The following SLFN14 variants were observed in gnomAD, a reference collection of about 807,000 sequenced individuals.
The protein encoded by SLFN14 is schlafen family member 14, also known as protein SLFN14.
SLFN14 carries 47 observed loss-of-function variants against 58.6 expected under a neutral mutation model. The observed-to-expected ratio is 0.80, with a 90% CI of 0.64 to 1.02. The LOEUF (loss-of-function observed/expected upper bound fraction) is 1.02, where lower values mean the gene tolerates loss of function less well. SLFN14 is among the 50% of genes least tolerant of loss of function. The probability of loss-of-function intolerance (pLI) is 0.00; values close to 1 mark genes in which losing one functional copy is unlikely to be tolerated. For missense variants in SLFN14, 967 were observed against 1,078.4 expected (o/e 0.90, Z 1.45); for synonymous variants, 390 against 387.3 (o/e 1.01, Z -0.08).
At position 35,545,668 on chromosome 17, in the gene SLFN14, A is replaced by T. The variant is rs199857833; in HGVS notation, c.*2571T>A. 3.1e-3 allele frequency among the ~76,000 whole-genome samples: 478 copies of T among 152,012 alleles called. 4 individuals carry two copies. Among genetic ancestry groups the T allele is most frequent in the South Asian group, 4.4e-3 (21 of 4,808 alleles). ...CACCACCATGCCCAACTAAGTTTTT[A>T]AAAAAATTTTTTTTGTAGAGATGGG... On this transcript the variant is annotated 3_prime_UTR_variant, in exon 6 of 6. Coordinates refer to ENST00000674182, the MANE Select transcript of SLFN14 (RefSeq NM_001129820.2).
chr17:35,555,178 C>T (rs899864282), intron 3 of SLFN14, among the ~76,000 whole-genome samples: 2 of 152,034 alleles, frequency 1.3e-5, no homozygotes, highest in African/African-American at 4.8e-5. Context: ...CAAGACCATC[C>T]TGGCTAACAC....
At chr17:35,550,651 T>C (rs992817118) in intron 5 of SLFN14, among the ~76,000 whole-genome samples, 5 of 152,234 alleles carry the variant, frequency 3.3e-5, no homozygotes, top group African/African-American at 1.2e-4. Context: ...TTTTCTCCTC[T>C]AACACTAAAT....
chr17:35,557,030 C>A lies in SLFN14; in HGVS notation c.1033G>T (p.Val345Leu). 5.2e-6 allele frequency: 8 copies of A among 1,551,544 alleles called. No individual in the cohort carries two copies. Among genetic ancestry groups the A allele is most frequent in the Non-Finnish European group, 7.0e-6 (8 of 1,146,912 alleles). Residue 345 changes from valine (V) to leucine (L), a missense_variant, in exon 3 of 6, where the codon GTG becomes TTG. Coordinates refer to ENST00000674182, the MANE Select transcript of SLFN14 (RefSeq NM_001129820.2). ...GACTGAGTATCCAGCATCATGACCA[C>A]CCACTGCTCAGCTGTCAGCCGTGTG... is the stretch of plus-strand genomic sequence containing the variant. The part of the protein sequence containing the change: ...SVTRLTAEQW[V>L]VMMLDTQSAP...
rs933053007 is a variant in SLFN14 at position 35,547,677 on chromosome 17, T to C, written c.*562A>G. 6.6e-6 allele frequency among the ~76,000 whole-genome samples: 1 copy of C among 152,202 alleles called. No individual in the cohort carries two copies. ...CTGGACCTGGAAAGCTTGAGACCCA[T>C]AGCCAGTATGAGGTGCCAGTCAATT... On this transcript the variant is annotated 3_prime_UTR_variant, in exon 6 of 6. Coordinates refer to ENST00000674182, the MANE Select transcript of SLFN14 (RefSeq NM_001129820.2).
At chr17:35,560,550 A>G (rs191032650) in intron 1 of SLFN14, among the ~76,000 whole-genome samples, 1 of 152,178 alleles carries the variant, frequency 6.6e-6, no homozygotes, top group Admixed American at 6.5e-5. Flanking sequence ...CTGGTCTCGA[A>G]CTGTTGACCT....
Position 35,546,369 on chromosome 17 carries a change from C to T in SLFN14, c.*1870G>A, listed in dbSNP as rs895151403. The stretch of plus-strand genomic sequence containing the variant: ...GCAAGGGAGAGGTTTTTCTTTTCAA[C>T]CCGTGCCTAGGTACAGACTAGCCCT... On this transcript the variant is annotated 3_prime_UTR_variant, in exon 6 of 6. Coordinates refer to ENST00000674182, the MANE Select transcript of SLFN14 (RefSeq NM_001129820.2). 2.6e-5 allele frequency among the ~76,000 whole-genome samples: 4 copies of T among 152,146 alleles called. No homozygotes were observed. The highest frequency in any genetic ancestry group is 5.9e-5 in the Non-Finnish European group (4 of 68,016).
At chr17:35,555,505 T>C (rs2072643734) in intron 3 of SLFN14, among the ~76,000 whole-genome samples, 1 of 150,770 alleles carries the variant, frequency 6.6e-6, no homozygotes, top group South Asian at 2.1e-4. Flanking sequence ...TGAGCTGAGA[T>C]CGTGCCGCTG....
chr17:35,553,207 G>A lies in SLFN14; in HGVS notation c.1427C>T (p.Pro476Leu). 6.4e-7 allele frequency: 1 copy of A among 1,551,638 alleles called. No individual in the cohort carries two copies. Among genetic ancestry groups the A allele is most frequent in the South Asian group, 1.2e-5 (1 of 84,064 alleles). ...ATATTCAAGTCCTCCAGGCCAATTG[G>A]GGTCTATTAAGATTGTATAGAGTAC... ...PVVLYTILID[P>L]NWPGGLEYAR... Residue 476 changes from proline to leucine, a missense_variant, in exon 5 of 6, where the codon CCC (proline) becomes CTC (leucine). Pro to Leu is a moderately conservative substitution (Grantham distance 98, BLOSUM62 -3). Coordinates refer to ENST00000674182, the MANE Select transcript of SLFN14 (RefSeq NM_001129820.2).
intron 4 of SLFN14, 143 bp downstream of exon 4, chr17:35,554,433 T>TA (rs1484267687): frequency 1.9e-5 from 4 of 207,944 alleles, no homozygotes; most frequent in Non-Finnish European, 3.7e-5. Context: ...AATATATATA[T>TA]TTCAAATTTC....
chr17:35,558,458 A>AT (rs564865952), intron 2 of SLFN14, among the ~76,000 whole-genome samples: 5,282 of 141,742 alleles, frequency 0.037, 117 homozygotes, highest in South Asian at 0.08. Context: ...TGTTCTTGCT[A>AT]TTTTTTTTTT....
In SLFN14 at chr17:35,557,499, T is replaced by C. The variant is rs2072664120; in HGVS notation, c.564A>G (p.Ser188=). 9 of 1,551,742 alleles carry C rather than the reference T, an allele frequency of 5.8e-6. No individual in the cohort carries two copies. The highest frequency in any genetic ancestry group is 1.2e-5 in the South Asian group (1 of 84,066). The part of the protein sequence containing the change: ...QEEEDMRILA[S]EFFKKDKLMY... ...TGAGTTTGTCCTTTTTAAAAAATTC[T>C]GAGGCCAATATCCTCATATCTTCCT... The change falls in exon 3 of 6, where the codon TCA becomes TCG. Residue 188 remains serine, a synonymous_variant. Transcript: ENST00000674182.
chr17:35,558,698 C>T (rs1041436803), intron 2 of SLFN14, among the ~76,000 whole-genome samples: 1 of 152,166 alleles, frequency 6.6e-6, no homozygotes, highest in African/African-American at 2.4e-5. Context: ...ACATTTTCAG[C>T]CATTTTGCAT....
In SLFN14 at chr17:35,558,018, T is replaced by C. The variant is rs996095711; in HGVS notation, c.45A>G (p.Val15=). The change falls in exon 3 of 6, where the codon GTA becomes GTG. Residue 15 remains valine, a synonymous_variant. Transcript: ENST00000674182. ...KTDTEMPYPE[V]IVDVGRVIFG... ...AAATCACTCTGCCCACATCTACTAT[T>C]ACCTCAGGATACGGCATTTCAGTAT... is the stretch of plus-strand genomic sequence containing the variant. 33 of 1,551,452 alleles carry C rather than the reference T, an allele frequency of 2.1e-5. No homozygotes were observed. The Admixed American group carries it at 3.9e-4, about 18-fold the overall frequency.
Position 35,552,674 on chromosome 17 carries a change from A to C in SLFN14, c.1904+56T>G, listed in dbSNP as rs561862493. Reference sequence around the variant, plus strand: ...CACATATATATACACATATATATACACATATATATATACACATACATATTT... The same window carrying C: ...CACATATATATACACATATATATACCCATATATATATACACATACATATTT... On this transcript the variant is annotated intron_variant, in intron 5 of 5. Transcript: ENST00000674182. The C allele has an allele frequency of 2.1e-5, 21 of 981,608 alleles. No individual in the cohort carries two copies. In the East Asian group the frequency reaches 5.4e-4, roughly 25 times the overall value. 60.8% of individuals were successfully genotyped at this position (981,608 alleles called of 1,614,324 possible). A position where few individuals can be genotyped will look rare whatever the true frequency, so the allele number is the denominator to read the frequency against.
chr17:35,551,569 A>G (rs554285531), intron 5 of SLFN14, among the ~76,000 whole-genome samples: 1 of 152,310 alleles, frequency 6.6e-6, no homozygotes, highest in East Asian at 1.9e-4. Context: ...CACTGGCGGT[A>G]TCACAACCTC....
chr17:35,548,198 A>C lies in SLFN14; in HGVS notation c.*41T>G. 1.3e-6 allele frequency: 2 copies of C among 1,524,262 alleles called. No individual in the cohort carries two copies. Among genetic ancestry groups the C allele is most frequent in the South Asian group, 2.4e-5 (2 of 81,986 alleles). 94.4% of individuals were successfully genotyped at this position (1,524,262 alleles called of 1,614,324 possible). On this transcript the variant is annotated 3_prime_UTR_variant, in exon 6 of 6. Coordinates refer to ENST00000674182, the MANE Select transcript of SLFN14 (RefSeq NM_001129820.2). ...CACTGCTACCTGTCTAGGAGAAAGG[A>C]CTCTGCTCTTCCTGTCTTCCTCTAT...
intron 3 of SLFN14, among the ~76,000 whole-genome samples, chr17:35,555,058 A>C (rs1039857684): frequency 2.0e-5 from 3 of 152,148 alleles, no homozygotes; most frequent in African/African-American, 7.2e-5. Context: ...GGGATCAGCA[A>C]GGATTAAAGC....
At chr17:35,555,050 G>A (rs1351953776) in intron 3 of SLFN14, among the ~76,000 whole-genome samples, 6 of 151,936 alleles carry the variant, frequency 3.9e-5, no homozygotes, top group Non-Finnish European at 5.9e-5. Context: ...ATCTAGTGGG[G>A]ATCAGCAAGG....
At chr17:35,559,048 A>T (rs548423755) in intron 2 of SLFN14, among the ~76,000 whole-genome samples, 2 of 141,668 alleles carry the variant, frequency 1.4e-5, no homozygotes, top group South Asian at 4.6e-4. Flanking sequence ...CATCTCGACA[A>T]AAGATAAAAA....
Sources: allele counts gnomAD v4.1 joint callset (sites outside exome capture counted in the v4.1 genomes callset), GRCh38; gene constraint gnomAD v4.1.1; transcripts MANE v1.5; gene names NCBI Gene and HGNC (gene_info 2026-07-23, HGNC 2026-07-21).